The following DENND1A variants were observed in gnomAD, a reference collection of about 807,000 sequenced individuals.
The protein encoded by DENND1A is DENN domain-containing protein 1A.
Under a neutral mutation model 113.7 loss-of-function variants are expected in DENND1A, and 51 were observed. The ratio of observed to expected loss-of-function variants is 0.45; its 90% confidence interval spans 0.36 to 0.57. DENND1A has a LOEUF of 0.57. Among genes scored for constraint, DENND1A ranks in the 20% least tolerant of loss-of-function variants. The probability of loss-of-function intolerance (pLI) is 0.00; values close to 1 mark genes in which losing one functional copy is unlikely to be tolerated. For synonymous variants in DENND1A, 565 were observed against 570.8 expected (o/e 0.99, Z 0.14); for missense variants, 1,258 against 1,395.9 (o/e 0.90, Z 1.57).
chr9:123,882,106 T>C (rs1471228170), intron 1 of DENND1A, among the ~76,000 whole-genome samples: 1 of 152,100 alleles, frequency 6.6e-6, no homozygotes, highest in Admixed American at 6.6e-5. Context: ...TCATTCAGTC[T>C]CTGGGCTTTC....
chr9:123,561,818 G>A (rs531290582), intron 12 of DENND1A, among the ~76,000 whole-genome samples: 8 of 152,100 alleles, frequency 5.3e-5, no homozygotes, highest in Admixed American at 4.6e-4. Context: ...AGCATCATCC[G>A]GCCAGTCTCC....
At chr9:123,771,856 A>C (rs1226772415) in intron 3 of DENND1A, among the ~76,000 whole-genome samples, 1 of 151,972 alleles carries the variant, frequency 6.6e-6, no homozygotes, top group Non-Finnish European at 1.5e-5. Flanking sequence ...AATCTAATTA[A>C]GCAATAGGAT....
intron 13 of DENND1A, among the ~76,000 whole-genome samples, chr9:123,462,492 G>A (rs1418012322): frequency 6.6e-6 from 1 of 152,146 alleles, no homozygotes; most frequent in Non-Finnish European, 1.5e-5. Flanking sequence ...GGACAGGAGA[G>A]TTCTCTTTAA....
At chr9:123,472,914 C>A (rs1415646291) in intron 13 of DENND1A, among the ~76,000 whole-genome samples, 1 of 152,166 alleles carries the variant, frequency 6.6e-6, no homozygotes, top group South Asian at 2.1e-4. Flanking sequence ...GCCCTTCACC[C>A]TTGGAGGATT....
chr9:123,824,557 A>T (rs191224306), intron 2 of DENND1A, among the ~76,000 whole-genome samples: 15 of 152,310 alleles, frequency 9.8e-5, no homozygotes, highest in Admixed American at 9.8e-4. Context: ...TTAAACTCAA[A>T]ATACATTGGG....
chr9:123,525,041 G>C (rs1041932854), intron 13 of DENND1A, among the ~76,000 whole-genome samples: 1 of 152,196 alleles, frequency 6.6e-6, no homozygotes, highest in Non-Finnish European at 1.5e-5. Flanking sequence ...TGGCTCACTA[G>C]CTTCTCTGAC....
At chr9:123,646,764 A>G (rs1002712726) in intron 9 of DENND1A, among the ~76,000 whole-genome samples, 1 of 152,124 alleles carries the variant, frequency 6.6e-6, no homozygotes, top group Non-Finnish European at 1.5e-5. Flanking sequence ...TGTTTTGTTC[A>G]CTGCCGTAAT....
chr9:123,668,792 T>C (rs2063617508), intron 7 of DENND1A, among the ~76,000 whole-genome samples: 1 of 152,230 alleles, frequency 6.6e-6, no homozygotes, highest in Non-Finnish European at 1.5e-5. Context: ...CTATGAAGTA[T>C]TACAGTAGAG....
chr9:123,713,864 T>A (rs73667907), intron 5 of DENND1A, among the ~76,000 whole-genome samples: 4 of 151,988 alleles, frequency 2.6e-5, no homozygotes, highest in African/African-American at 9.7e-5. Context: ...CAAGGTCATA[T>A]AGTTTATGAA....
intron 13 of DENND1A, among the ~76,000 whole-genome samples, chr9:123,508,026 C>A (rs1218800903): frequency 1.3e-5 from 2 of 151,986 alleles, no homozygotes; most frequent in Non-Finnish European, 2.9e-5. Flanking sequence ...TTTCAGTATT[C>A]TTTTTCAAGC....
At chr9:123,707,398 A>C (rs1355421816) in intron 5 of DENND1A, among the ~76,000 whole-genome samples, 1 of 143,532 alleles carries the variant, frequency 7.0e-6, no homozygotes, top group African/African-American at 2.6e-5. Context: ...TCCATCTCAA[A>C]AAGGAAAAAA....
At chr9:123,686,427 T>C (rs915540350) in intron 5 of DENND1A, among the ~76,000 whole-genome samples, 2 of 152,200 alleles carry the variant, frequency 1.3e-5, no homozygotes, top group South Asian at 4.1e-4. Flanking sequence ...TGGTTCTCAC[T>C]GTAGTGCTTG....
chr9:123,380,554 A>G lies in DENND1A; in HGVS notation c.*878T>C, dbSNP rs1340634813. 3 of 152,358 alleles carry G rather than the reference A, an allele frequency of 2.0e-5. No homozygotes were observed. In the East Asian group the frequency reaches 5.8e-4, roughly 29 times the overall value. 9.4% of individuals were successfully genotyped at this position (152,358 alleles called of 1,614,324 possible). A position where few individuals can be genotyped will look rare whatever the true frequency, so the allele number is the denominator to read the frequency against. ...ATTCAGCTTGACCTTTTTGGGTTGA[A>G]ATCTGGGTTGCAGCTTCTCAGCTTT... On this transcript the variant is annotated 3_prime_UTR_variant, in exon 24 of 24. Transcript: ENST00000394215.
At chr9:123,426,819 T>C (rs2045768996) in intron 19 of DENND1A, among the ~76,000 whole-genome samples, 2 of 152,176 alleles carry the variant, frequency 1.3e-5, no homozygotes, top group South Asian at 4.1e-4. Flanking sequence ...CAGGGGCAGA[T>C]ACTTAACATG....
intron 5 of DENND1A, among the ~76,000 whole-genome samples, chr9:123,747,309 A>G (rs2069598022): frequency 6.6e-6 from 1 of 152,174 alleles, no homozygotes; most frequent in South Asian, 2.1e-4. Flanking sequence ...CAGACTGCAT[A>G]AATGAACAAT....
At chr9:123,733,706 C>A (rs1051390206) in intron 5 of DENND1A, among the ~76,000 whole-genome samples, 2 of 149,178 alleles carry the variant, frequency 1.3e-5, no homozygotes, top group African/African-American at 5.0e-5. Context: ...TGCTCTGTTG[C>A]CCAGGCTGGA....
At chr9:123,827,133 G>A (rs534442478) in intron 2 of DENND1A, among the ~76,000 whole-genome samples, 2 of 152,192 alleles carry the variant, frequency 1.3e-5, no homozygotes, top group Non-Finnish European at 2.9e-5. Flanking sequence ...GGATTCATAT[G>A]TAGTTATTCA....
intron 5 of DENND1A, among the ~76,000 whole-genome samples, chr9:123,729,210 T>C (rs911722479): frequency 1.3e-5 from 2 of 152,106 alleles, no homozygotes; most frequent in African/African-American, 4.8e-5. Flanking sequence ...ACAAGGACAA[T>C]GATGCCCCCC....
At chr9:123,633,931 T>C (rs1438279344) in intron 9 of DENND1A, among the ~76,000 whole-genome samples, 1 of 152,174 alleles carries the variant, frequency 6.6e-6, no homozygotes, top group East Asian at 1.9e-4. Flanking sequence ...TATAAATAAA[T>C]AAATAAAAGC....
Sources: gnomAD v4.1 joint callset for allele counts (sites outside exome capture counted in the v4.1 genomes callset) on GRCh38, gnomAD v4.1.1 for gene constraint, MANE v1.5 for transcripts, NCBI Gene and HGNC (gene_info 2026-07-23, HGNC 2026-07-21) for gene names.